The following EXOC6B variants were observed in gnomAD, a reference collection of about 807,000 sequenced individuals.
The protein encoded by EXOC6B is exocyst complex component 6B.
A neutral mutation model predicts 113.5 loss-of-function variants in EXOC6B; 54 were observed. That is an observed-to-expected ratio of 0.48 (90% CI 0.38 to 0.60). The LOEUF is 0.60. Ranked by LOEUF, EXOC6B falls within the 20% of genes least tolerant of loss-of-function variation. The pLI, the probability that EXOC6B is intolerant of heterozygous loss-of-function variation, is 0.00. For synonymous variants in EXOC6B, 357 were observed against 339.0 expected (o/e 1.05, Z -0.58); for missense variants, 797 against 977.5 (o/e 0.82, Z 2.46).
chr2:72,407,628 A>C (rs927923197), intron 18 of EXOC6B, among the ~76,000 whole-genome samples: 1 of 152,184 alleles, frequency 6.6e-6, no homozygotes, highest in Admixed American at 6.5e-5. Context: ...TGATTATCTC[A>C]ATAGATGCAG....
chr2:72,248,748 C>T (rs1559057195), intron 20 of EXOC6B, among the ~76,000 whole-genome samples: 1 of 151,678 alleles, frequency 6.6e-6, no homozygotes, highest in African/African-American at 2.4e-5. Context: ...TGCCTACTAC[C>T]AAAAAAAGAC....
chr2:72,348,086 TC>T (rs1312550293), intron 19 of EXOC6B, among the ~76,000 whole-genome samples: 1 of 152,140 alleles, frequency 6.6e-6, no homozygotes, highest in Non-Finnish European at 1.5e-5. Flanking sequence ...AACTCCAAGA[TC>T]AAGGCACCTA....
chr2:72,741,594 G>A, intron 1 of EXOC6B, 125 bp from the exon 2 acceptor site: 1 of 714,980 alleles, frequency 1.4e-6, no homozygotes. Flanking sequence ...ATATTAACAT[G>A]CCTTATTGTT....
At chr2:72,410,688 T>C (rs1209995993) in intron 18 of EXOC6B, among the ~76,000 whole-genome samples, 2 of 152,240 alleles carry the variant, frequency 1.3e-5, no homozygotes, top group Admixed American at 6.5e-5. Flanking sequence ...AACACTGATC[T>C]TATGAAGCTA....
chr2:72,397,555 G>T (rs1692801979), intron 18 of EXOC6B, among the ~76,000 whole-genome samples: 1 of 150,584 alleles, frequency 6.6e-6, no homozygotes, highest in Non-Finnish European at 1.5e-5. Context: ...AGGAGGCAGA[G>T]GTTGCAGTAA....
At chr2:72,310,220 C>A (rs1304537325) in intron 20 of EXOC6B, among the ~76,000 whole-genome samples, 2 of 152,136 alleles carry the variant, frequency 1.3e-5, no homozygotes, top group East Asian at 3.8e-4. Context: ...AAACTGTTTT[C>A]CACAGTGGCA....
At chr2:72,798,763 G>A (rs970582598) in intron 1 of EXOC6B, among the ~76,000 whole-genome samples, 6 of 152,036 alleles carry the variant, frequency 3.9e-5, no homozygotes, top group Non-Finnish European at 8.8e-5. Flanking sequence ...ATAAAAACAT[G>A]GAGAAGATGA....
rs544424001 is a variant in EXOC6B at position 72,470,766 on chromosome 2, C to T, written c.1801-5427G>A. 2.0e-5 allele frequency among the ~76,000 whole-genome samples: 3 copies of T among 151,022 alleles called. No individual in the cohort carries two copies. The East Asian group carries it at 5.8e-4, about 29-fold the overall frequency. On this transcript the variant is annotated intron_variant, in intron 17 of 21. Transcript: ENST00000272427. ...GTTTGCTGAGAATGATGGTTTCCAG[C>T]TTCATCCATGTCCCTACAAAGGACA...
At chr2:72,514,601 A>ATATATATATATATAT (rs71884143) in intron 10 of EXOC6B, 33 bp downstream of exon 10, 1 of 81,832 alleles carries the variant, frequency 1.2e-5, no homozygotes, top group African/African-American at 4.1e-5. Flanking sequence ...TAAATAAATA[A>ATATATATATATATAT]ATAAATATAT....
chr2:72,375,040 T>C (rs900966252), intron 19 of EXOC6B, among the ~76,000 whole-genome samples: 18 of 147,104 alleles, frequency 1.2e-4, no homozygotes, highest in Non-Finnish European at 6.0e-5. Flanking sequence ...TCACAAAAAG[T>C]AGATTTTTTT....
chr2:72,255,571 T>C (rs1683304072), intron 20 of EXOC6B, among the ~76,000 whole-genome samples: 1 of 152,194 alleles, frequency 6.6e-6, no homozygotes, highest in South Asian at 2.1e-4. Flanking sequence ...CTTTATTCTC[T>C]CAGTTTCCCC....
chr2:72,759,627 G>A (rs1036731376), intron 1 of EXOC6B, among the ~76,000 whole-genome samples: 2 of 152,130 alleles, frequency 1.3e-5, no homozygotes, highest in African/African-American at 4.8e-5. Flanking sequence ...ATCCACGTGG[G>A]AAAGGGCAGA....
At chr2:72,616,682 T>G (rs1671404269) in intron 6 of EXOC6B, among the ~76,000 whole-genome samples, 1 of 152,044 alleles carries the variant, frequency 6.6e-6, no homozygotes, top group Admixed American at 6.6e-5. Flanking sequence ...GCCTCCATGA[T>G]TCAATTATCC....
chr2:72,645,486 C>T (rs1296600388), intron 6 of EXOC6B, among the ~76,000 whole-genome samples: 1 of 152,200 alleles, frequency 6.6e-6, no homozygotes, highest in African/African-American at 2.4e-5. Context: ...GCAGAATATA[C>T]ATTCATCTCA....
intron 20 of EXOC6B, among the ~76,000 whole-genome samples, chr2:72,325,016 T>C (rs1428111645): frequency 6.6e-6 from 1 of 152,160 alleles, no homozygotes; most frequent in Non-Finnish European, 1.5e-5. Context: ...CCATTTTTCT[T>C]TTCTACTGTA....
At chr2:72,641,652 G>C (rs1229727149) in intron 6 of EXOC6B, among the ~76,000 whole-genome samples, 1 of 152,230 alleles carries the variant, frequency 6.6e-6, no homozygotes, top group African/African-American at 2.4e-5. Flanking sequence ...CTGAACAAAA[G>C]GCAGCAGAAA....
intron 19 of EXOC6B, among the ~76,000 whole-genome samples, chr2:72,339,133 CAT>C (rs1231635682): frequency 1.3e-5 from 2 of 152,042 alleles, no homozygotes; most frequent in South Asian, 2.1e-4. Context: ...AAAACTACCA[CAT>C]GAGAGAGGGG....
chr2:72,615,393 G>A (rs115102996), intron 6 of EXOC6B, among the ~76,000 whole-genome samples: 1,651 of 151,912 alleles, frequency 0.011, 28 homozygotes, highest in African/African-American at 0.037. Context: ...AATTTTAGAC[G>A]AATTAAAATT....
chr2:72,242,290 A>G (rs1682364046), intron 20 of EXOC6B, among the ~76,000 whole-genome samples: 2 of 152,356 alleles, frequency 1.3e-5, no homozygotes, highest in African/African-American at 4.8e-5. Context: ...TTAGAACAAA[A>G]ATAACCAATG....
Sources: allele counts gnomAD v4.1 joint callset (sites outside exome capture counted in the v4.1 genomes callset), GRCh38; gene constraint gnomAD v4.1.1; transcripts MANE v1.5; gene names NCBI Gene and HGNC (gene_info 2026-07-23, HGNC 2026-07-21).